Variants in VWCE observed in about 807,000 individuals in gnomAD.
VWCE encodes von Willebrand factor C and EGF domains.
Under a neutral mutation model 102.9 loss-of-function variants are expected in VWCE, and 68 were observed. That is an observed-to-expected ratio of 0.66 (90% CI 0.54 to 0.81). VWCE has a LOEUF of 0.81. Among genes scored for constraint, VWCE ranks in the 30% least tolerant of loss-of-function variants. The pLI, the probability that VWCE is intolerant of heterozygous loss-of-function variation, is 0.00. For synonymous variants in VWCE, 497 were observed against 515.4 expected, an observed-to-expected ratio of 0.96 and a Z score of 0.48; for missense variants, 1,137 against 1,263.6, an observed-to-expected ratio of 0.90 and a Z score of 1.52.
intron 19 of VWCE, among the ~76,000 whole-genome samples, chr11:61,260,528 G>A (rs994769914): frequency 6.6e-6 from 1 of 152,020 alleles, no homozygotes; most frequent in Non-Finnish European, 1.5e-5. Context: ...AAACTCCTGA[G>A]CTCAAGTGAT....
At chr11:61,261,669 G>A (rs1056117765) in intron 19 of VWCE, among the ~76,000 whole-genome samples, 1 of 151,840 alleles carries the variant, frequency 6.6e-6, no homozygotes, top group Non-Finnish European at 1.5e-5. Flanking sequence ...AGCCAGGCAG[G>A]GTGGCATGCA....
In VWCE at chr11:61,283,820, A is replaced by G. The variant is rs530337239; in HGVS notation, c.542-915T>C. On this transcript the variant is annotated intron_variant, in intron 5 of 19. Transcript: ENST00000335613. ...TTGTCTGGCTGGAAAACTCCTACTC[A>G]TACTTCAAAACTCAGCTTCAGTGGA... Among the ~76,000 whole-genome samples, 103 of 152,292 alleles carry G rather than the reference A, an allele frequency of 6.8e-4. 1 individual carries two copies. Among genetic ancestry groups the G allele is most frequent in the Middle Eastern group, 3.4e-3 (1 of 294 alleles).
At chr11:61,287,056 C>T (rs1261511853) in intron 4 of VWCE, among the ~76,000 whole-genome samples, 1 of 152,088 alleles carries the variant, frequency 6.6e-6, no homozygotes, top group Non-Finnish European at 1.5e-5. Flanking sequence ...AAGATCGCAC[C>T]ACTGCACTCC....
intron 6 of VWCE, among the ~76,000 whole-genome samples, chr11:61,282,325 T>A (rs1855169941): frequency 6.6e-6 from 1 of 152,148 alleles, no homozygotes; most frequent in Admixed American, 6.6e-5. Flanking sequence ...TAGAACAAGG[T>A]CTTTTTTCAG....
intron 14 of VWCE, among the ~76,000 whole-genome samples, chr11:61,270,989 G>T (rs973922211): frequency 6.7e-6 from 1 of 149,786 alleles, no homozygotes; most frequent in African/African-American, 2.5e-5. Context: ...GACCACAGGG[G>T]CATGTCACTA....
Position 61,274,574 on chromosome 11 carries a change from A to G in VWCE, c.1506T>C (p.Tyr502=). The change falls in exon 12 of 20, where the codon TAT becomes TAC. Residue 502 remains tyrosine (Y), a synonymous_variant. Transcript: ENST00000335613. Reference sequence around the variant, plus strand: ...CGTCTGCGTACCACCGGCCGTGGAAATAGCATCTCACTGCAGAGGAGAAAG... The same window carrying G: ...CGTCTGCGTACCACCGGCCGTGGAAGTAGCATCTCACTGCAGAGGAGAAAG... ...DCCTCVPVRC[Y]FHGRWYADGA... 1 of 1,613,946 alleles carries G rather than the reference A, an allele frequency of 6.2e-7. No homozygotes were observed. The highest frequency in any genetic ancestry group is 8.5e-7 in the Non-Finnish European group (1 of 1,179,910).
rs1439675708 is a variant in VWCE at position 61,294,591 on chromosome 11, A to G, written c.110+337T>C. Among the ~76,000 whole-genome samples the G allele has an allele frequency of 2.0e-5, 3 of 152,096 alleles. No homozygotes were observed. The highest frequency in any genetic ancestry group is 4.4e-5 in the Non-Finnish European group (3 of 68,004). On this transcript the variant is annotated intron_variant, in intron 1 of 19. Transcript: ENST00000335613. The surrounding 1 kb of genome is among the most constrained non-coding windows in gnomAD (Gnocchi z 6.3). ...AGAGCCACGGGCACGCTGGGGGGTGAGCCAGCCAGTCCGGAGACCAGATGG... is the reference window on the plus strand; with the variant it reads ...AGAGCCACGGGCACGCTGGGGGGTGGGCCAGCCAGTCCGGAGACCAGATGG...
intron 11 of VWCE, among the ~76,000 whole-genome samples, chr11:61,275,446 T>C (rs1854873926): frequency 6.6e-6 from 1 of 152,044 alleles, no homozygotes; most frequent in Non-Finnish European, 1.5e-5. Flanking sequence ...TAAGGGTTCC[T>C]ATCTCACAGA....
rs1216288003 is a variant in VWCE at position 61,274,440 on chromosome 11, T to G, written c.1581+59A>C. 1.6e-5 allele frequency: 24 copies of G among 1,526,688 alleles called. No homozygotes were observed. The East Asian group carries it at 5.2e-4, about 33-fold the overall frequency. 94.6% of individuals were successfully genotyped at this position (1,526,688 alleles called of 1,614,324 possible). A position where few individuals can be genotyped will look rare whatever the true frequency, so the allele number is the denominator to read the frequency against. ...TAGTCATGTCAACCTGAGTAAAGTG[T>G]TGTGCCTCGCTCCCCTCTCCATCAA... On this transcript the variant is annotated intron_variant, in intron 12 of 19. Coordinates refer to ENST00000335613, the MANE Select transcript of VWCE (RefSeq NM_152718.2).
chr11:61,284,939 C>T (rs1855267305), intron 5 of VWCE, among the ~76,000 whole-genome samples: 1 of 151,652 alleles, frequency 6.6e-6, no homozygotes, highest in South Asian at 2.1e-4. Flanking sequence ...TGTCCTCTGT[C>T]CTCCTCCATG....
chr11:61,291,765 G>A (rs1353969622), intron 1 of VWCE, among the ~76,000 whole-genome samples, 189 bp from the exon 2 acceptor site: 1 of 152,202 alleles, frequency 6.6e-6, no homozygotes, highest in East Asian at 1.9e-4. Context: ...AGAGACAAAA[G>A]TGTGAGACAA....
chr11:61,268,413 G>A (rs760959115), intron 15 of VWCE, among the ~76,000 whole-genome samples: 6 of 152,128 alleles, frequency 3.9e-5, no homozygotes, highest in Non-Finnish European at 8.8e-5. Context: ...AATTAGCCAG[G>A]CATGGTGGTG....
rs772681437 is a variant in VWCE, at chr11:61,269,006, C to T, written c.1798G>A (p.Val600Met). The change falls in exon 15 of 20, where the codon GTG (valine) becomes ATG (methionine). Residue 600 changes from valine to methionine, a missense_variant. By Grantham distance (21) the Val-to-Met change is conservative. This residue lies in a region of VWCE where 212 missense variants were observed against 235.1 expected (regional missense o/e 0.90). Coordinates refer to ENST00000335613, the MANE Select transcript of VWCE (RefSeq NM_152718.2). ...ACACAGTCTGTCCTCTTGCAGCTCA[C>T]CGAGCCATCTGCCTGGAGGAAGGAG... ...ELCICQADGS[V>M]SCKRTDCVDS... is the part of the protein sequence containing the mutation. 2.5e-6 allele frequency: 4 copies of T among 1,614,092 alleles called. No individual in the cohort carries two copies. Among genetic ancestry groups the T allele is most frequent in the Non-Finnish European group, 3.4e-6 (4 of 1,180,032 alleles).
intron 4 of VWCE, among the ~76,000 whole-genome samples, chr11:61,287,648 C>T (rs1472736221): frequency 6.6e-6 from 1 of 152,190 alleles, no homozygotes; most frequent in African/African-American, 2.4e-5. Flanking sequence ...ATATATGCCC[C>T]ACCAGTGACA....
chr11:61,271,943 A>G lies in VWCE; in HGVS notation c.1700-183T>C, dbSNP rs149026072. Among the ~76,000 whole-genome samples, 152 of 152,278 alleles carry G rather than the reference A, an allele frequency of 1.0e-3. 1 individual carries two copies. Among genetic ancestry groups the G allele is most frequent in the African/African-American group, 3.6e-3 (149 of 41,560 alleles). ...AGATACAATTCACACAGATACACAT[A>G]CACTCATACAAATGCACACTTAAAT... On this transcript the variant is annotated intron_variant, in intron 13 of 19. Transcript: ENST00000335613.
At chr11:61,266,044 C>CA (rs554337906) in intron 16 of VWCE, among the ~76,000 whole-genome samples, 115 of 128,242 alleles carry the variant, frequency 9.0e-4, no homozygotes, top group South Asian at 1.7e-3. Context: ...GACTCTGTCT[C>CA]AAAAAAAAAA....
intron 13 of VWCE, among the ~76,000 whole-genome samples, chr11:61,272,321 A>G (rs1205155908): frequency 6.6e-6 from 1 of 151,900 alleles, no homozygotes; most frequent in Non-Finnish European, 1.5e-5. Flanking sequence ...CACAGATACT[A>G]CTCAGAGAGA....
chr11:61,271,696 G>C lies in VWCE; in HGVS notation c.1764C>G (p.Pro588=), dbSNP rs752510471. Residue 588 remains proline (P), a synonymous_variant, in exon 14 of 20, where the codon CCC becomes CCG. Transcript: ENST00000335613. ...TCACCTGGCAGATGCATAACTCACA[G>C]GGGTCACCAGGCGACCAGATCTGTC... is the stretch of plus-strand genomic sequence containing the variant. ...PIGQIWSPGD[P]CELCICQADG... The C allele has an allele frequency of 5.6e-6, 9 of 1,613,284 alleles. No homozygotes were observed. Among genetic ancestry groups the C allele is most frequent in the Non-Finnish European group, 7.6e-6 (9 of 1,179,672 alleles).
At position 61,259,225 on chromosome 11, in the gene VWCE, T is replaced by C; in HGVS notation, c.2318A>G (p.Asp773Gly). 1 of 1,613,968 alleles carries C rather than the reference T, an allele frequency of 6.2e-7. No individual in the cohort carries two copies. Among genetic ancestry groups the C allele is most frequent in the East Asian group, 2.2e-5 (1 of 44,866 alleles). Residue 773 changes from aspartate to glycine, a missense_variant, in exon 20 of 20, where the codon GAC (aspartate) becomes GGC (glycine). By Grantham distance (94) the Asp-to-Gly change is moderately conservative. Transcript: ENST00000335613. Reference sequence around the variant, plus strand: ...GCTACAGTTGACAGGGGCCTCAGTGTCTCCATGCAGGCTCCGACCAGCTTT... The same window carrying C: ...GCTACAGTTGACAGGGGCCTCAGTGCCTCCATGCAGGCTCCGACCAGCTTT... ...FSKAGRSLHG[D>G]TEAPVNCSSC...
Sources: allele counts gnomAD v4.1 joint callset (sites outside exome capture counted in the v4.1 genomes callset), GRCh38; gene constraint gnomAD v4.1.1; regional missense constraint gnomAD v4.1.1; non-coding constraint Gnocchi (gnomAD v3.1); transcripts MANE v1.5; gene names NCBI Gene and HGNC (gene_info 2026-07-23, HGNC 2026-07-21).